The following CLNK variants were observed in gnomAD, a reference collection of about 807,000 sequenced individuals.
CLNK encodes cytokine dependent hematopoietic cell linker.
In CLNK, 74 loss-of-function variants were observed where a neutral mutation model predicts 68.6. The ratio of observed to expected loss-of-function variants is 1.08; its 90% confidence interval spans 0.89 to 1.31. The LOEUF is 1.31. Among genes scored for constraint, CLNK ranks in the 50% most tolerant of loss-of-function variants. The probability of loss-of-function intolerance (pLI) is 0.00; values close to 1 mark genes in which losing one functional copy is unlikely to be tolerated. For synonymous variants in CLNK, 198 were observed against 172.2 expected (o/e 1.15, Z -1.17); for missense variants, 553 against 515.3 (o/e 1.07, Z -0.71).
chr4:10,721,630 TCATA>T, the CLNK span, among the ~76,000 whole-genome samples: 1 of 152,234 alleles, frequency 6.6e-6, no homozygotes, highest in Non-Finnish European at 1.5e-5. Context: ...ATTTATATTT[TCATA>T]CATTCATTCA....
intron 2 of CLNK, among the ~76,000 whole-genome samples, chr4:10,605,390 AG>A (rs1721749555): frequency 6.6e-6 from 1 of 152,226 alleles, no homozygotes; most frequent in Admixed American, 6.5e-5. Context: ...GATACGGTAT[AG>A]CCTATTGCTC....
At chr4:10,609,277 T>G (rs1469730371) in intron 2 of CLNK, among the ~76,000 whole-genome samples, 2 of 152,206 alleles carry the variant, frequency 1.3e-5, no homozygotes, top group Admixed American at 1.3e-4. Flanking sequence ...CTATTTTCCC[T>G]TGGTACTCAG....
chr4:10,694,943 G>A, the CLNK span, among the ~76,000 whole-genome samples: 9 of 152,178 alleles, frequency 5.9e-5, no homozygotes, highest in African/African-American at 1.9e-4. Context: ...GGGCAGTCAA[G>A]TTATTTCCAT....
intron 1 of CLNK, among the ~76,000 whole-genome samples, chr4:10,678,493 C>T (rs560855043): frequency 6.6e-6 from 1 of 152,108 alleles, no homozygotes; most frequent in South Asian, 2.1e-4. Flanking sequence ...AGAGGATTAG[C>T]ACATTTGAGG....
intron 2 of CLNK, among the ~76,000 whole-genome samples, chr4:10,633,425 T>C (rs1197846570): frequency 1.3e-5 from 2 of 152,230 alleles, no homozygotes; most frequent in Non-Finnish European, 2.9e-5. Context: ...CACAGATTTA[T>C]TGAACGCTTA....
intron 2 of CLNK, among the ~76,000 whole-genome samples, chr4:10,618,863 G>T (rs577240384): frequency 6.6e-6 from 1 of 152,274 alleles, no homozygotes; most frequent in Admixed American, 6.5e-5. Context: ...GAGGACTCTG[G>T]CCGCTGGATC....
the CLNK span, among the ~76,000 whole-genome samples, chr4:10,691,103 T>A: frequency 6.6e-6 from 1 of 152,248 alleles, no homozygotes; most frequent in Admixed American, 6.5e-5. Flanking sequence ...GGGAGAGATT[T>A]CCAAGTAGAG....
chr4:10,728,970 A>G, the CLNK span, among the ~76,000 whole-genome samples: 1 of 152,126 alleles, frequency 6.6e-6, no homozygotes, highest in South Asian at 2.1e-4. Context: ...TCCAAGTTTG[A>G]TCACTTTATA....
At chr4:10,631,436 A>G (rs1722886362) in intron 2 of CLNK, among the ~76,000 whole-genome samples, 1 of 152,244 alleles carries the variant, frequency 6.6e-6, no homozygotes, top group South Asian at 2.1e-4. Flanking sequence ...AAAGAAAGAA[A>G]TGAAATGACA....
At chr4:10,711,437 A>T in the CLNK span, among the ~76,000 whole-genome samples, 3 of 152,234 alleles carry the variant, frequency 2.0e-5, no homozygotes, top group Admixed American at 6.5e-5. Context: ...AATAATTTTG[A>T]AATATAAAAA....
intron 18 of CLNK, among the ~76,000 whole-genome samples, chr4:10,496,240 A>G (rs1258955977): frequency 6.6e-6 from 1 of 152,230 alleles, no homozygotes; most frequent in African/African-American, 2.4e-5. Context: ...ATCTTTGAAG[A>G]TGCTGTTTCT....
intron 1 of CLNK, among the ~76,000 whole-genome samples, chr4:10,670,740 G>C (rs1724594467): frequency 6.6e-6 from 1 of 152,000 alleles, no homozygotes; most frequent in South Asian, 2.1e-4. Flanking sequence ...TCAATATTTG[G>C]TGACAAAAAT....
At chr4:10,548,627 G>A (rs566619032) in intron 8 of CLNK, among the ~76,000 whole-genome samples, 87 of 152,274 alleles carry the variant, frequency 5.7e-4, no homozygotes, top group Non-Finnish European at 1.1e-3. Context: ...TAGGAGTTCT[G>A]TAGTTTTGGG....
chr4:10,699,285 C>CGTGT, the CLNK span, among the ~76,000 whole-genome samples: 44 of 46,148 alleles, frequency 9.5e-4, 1 homozygote, highest in South Asian at 4.8e-3. Flanking sequence ...ACACCACATA[C>CGTGT]GTGTATACAC....
the CLNK span, among the ~76,000 whole-genome samples, chr4:10,707,386 A>G: frequency 2.6e-5 from 4 of 152,238 alleles, no homozygotes; most frequent in African/African-American, 9.6e-5. Context: ...AATTGCCAGT[A>G]AGAAAATCTT....
chr4:10,494,347 T>A (rs569580431), intron 18 of CLNK, among the ~76,000 whole-genome samples: 2 of 152,360 alleles, frequency 1.3e-5, no homozygotes, highest in East Asian at 3.9e-4. Context: ...AATAATACAT[T>A]TGCTATTAAT....
intron 1 of CLNK, among the ~76,000 whole-genome samples, chr4:10,683,512 T>G (rs1338838107): frequency 6.6e-6 from 1 of 152,202 alleles, no homozygotes; most frequent in African/African-American, 2.4e-5. Context: ...AAAATCAGTT[T>G]CCTTCTGAAT....
the CLNK span, among the ~76,000 whole-genome samples, chr4:10,693,077 C>A: frequency 1.2e-4 from 19 of 152,298 alleles, 1 homozygote; most frequent in Middle Eastern, 3.4e-3. Flanking sequence ...AGCACTGATT[C>A]TGGGCCATTC....
At chr4:10,710,305 T>C in the CLNK span, among the ~76,000 whole-genome samples, 1 of 152,052 alleles carries the variant, frequency 6.6e-6, no homozygotes, top group Non-Finnish European at 1.5e-5. Flanking sequence ...CTGGGAGTGA[T>C]GAGAGACCAA....
Sources: gnomAD v4.1 joint callset for allele counts (sites outside exome capture counted in the v4.1 genomes callset) on GRCh38, gnomAD v4.1.1 for gene constraint, MANE v1.5 for transcripts, NCBI Gene and HGNC (gene_info 2026-07-23, HGNC 2026-07-21) for gene names.